The following IRAK3 variants were observed in gnomAD, a reference collection of about 807,000 sequenced individuals.
IRAK3 encodes interleukin-1 receptor-associated kinase 3.
In IRAK3, 57 loss-of-function variants were observed where a neutral mutation model predicts 56.6. The observed-to-expected ratio is 1.01, with a 90% CI of 0.81 to 1.26. The LOEUF (loss-of-function observed/expected upper bound fraction) is 1.26. Ranked by LOEUF, IRAK3 falls within the 50% of genes most tolerant of loss-of-function variation. IRAK3 has a pLI of 0.00. For synonymous variants in IRAK3, 258 were observed against 255.7 expected, an observed-to-expected ratio of 1.01 and a Z score of -0.09; for missense variants, 703 against 719.0, an observed-to-expected ratio of 0.98 and a Z score of 0.25.
intron 11 of IRAK3, among the ~76,000 whole-genome samples, chr12:66,245,754 A>T (rs1266690148): frequency 6.6e-6 from 1 of 151,862 alleles, no homozygotes; most frequent in African/African-American, 2.4e-5. Flanking sequence ...CTGGTCTCGA[A>T]CTCCTGACCT....
At chr12:66,232,838 C>T (rs898529703) in intron 8 of IRAK3, among the ~76,000 whole-genome samples, 1 of 152,124 alleles carries the variant, frequency 6.6e-6, no homozygotes, top group South Asian at 2.1e-4. Flanking sequence ...ATCTCAAAAT[C>T]TGTGTTAAAC....
chr12:66,197,305 G>A (rs2052463785), intron 1 of IRAK3: 3 of 1,067,608 alleles, frequency 2.8e-6, no homozygotes, highest in Non-Finnish European at 3.4e-6. Flanking sequence ...TATGTACTGC[G>A]AGTAAACAAA....
In IRAK3 at chr12:66,190,906, A is replaced by G. The variant is rs750796450; in HGVS notation, c.133+1474A>G. On this transcript the variant is annotated intron_variant, in intron 1 of 11. Transcript: ENST00000261233. Reference sequence around the variant, plus strand: ...TGCTGTGTTCTTTCTGGCCACATCTAACAGCCTCCCTAAAGTACAGACATT... The same window carrying G: ...TGCTGTGTTCTTTCTGGCCACATCTGACAGCCTCCCTAAAGTACAGACATT... 2.0e-4 allele frequency among the ~76,000 whole-genome samples: 31 copies of G among 152,334 alleles called. No homozygotes were observed. In the Middle Eastern group the frequency reaches 0.017, roughly 84 times the overall value.
intron 7 of IRAK3, among the ~76,000 whole-genome samples, chr12:66,227,146 A>T (rs1235167566): frequency 6.6e-6 from 1 of 152,178 alleles, no homozygotes; most frequent in Non-Finnish European, 1.5e-5. Flanking sequence ...ACCTCCAGTG[A>T]GTTGGCATCA....
At chr12:66,221,067 A>G (rs1464925606) in intron 6 of IRAK3, among the ~76,000 whole-genome samples, 2 of 152,116 alleles carry the variant, frequency 1.3e-5, no homozygotes, top group Non-Finnish European at 2.9e-5. Context: ...ATAGTTGTTA[A>G]CGCACAAAAT....
intron 1 of IRAK3, 92 bp from the exon 2 acceptor site, chr12:66,203,619 A>C: frequency 8.8e-7 from 1 of 1,132,894 alleles, no homozygotes; most frequent in Non-Finnish European, 1.3e-6. Flanking sequence ...TAAAGTTATA[A>C]ATAAGAGGAA....
chr12:66,201,645 G>A (rs2052508990), intron 1 of IRAK3, among the ~76,000 whole-genome samples: 1 of 152,192 alleles, frequency 6.6e-6, no homozygotes, highest in Non-Finnish European at 1.5e-5. Context: ...TTTGCTTGAA[G>A]AATCCTGTTA....
In IRAK3 at chr12:66,248,148, T is replaced by C. The variant is rs1391754194; in HGVS notation, c.1768T>C (p.Tyr590His). The C allele has an allele frequency of 4.3e-6, 7 of 1,612,686 alleles. No homozygotes were observed. Among genetic ancestry groups the C allele is most frequent in the East Asian group, 2.2e-5 (1 of 44,894 alleles). ...TTCCTCCAAATTTTCCTGGGATGAATATGAACAGTACAAAAAAGAATAAAT... is the reference window on the plus strand; with the variant it reads ...TTCCTCCAAATTTTCCTGGGATGAACATGAACAGTACAAAAAAGAATAAAT... ...SCSSKFSWDE[Y>H]EQYKKE is the part of the protein sequence containing the mutation. The change falls in exon 12 of 12, where the codon TAT becomes CAT. Residue 590 changes from tyrosine (Y) to histidine (H), a missense_variant. Transcript: ENST00000261233.
At chr12:66,200,801 A>G (rs2052499851) in intron 1 of IRAK3, among the ~76,000 whole-genome samples, 2 of 152,082 alleles carry the variant, frequency 1.3e-5, no homozygotes, top group African/African-American at 4.8e-5. Flanking sequence ...TTTGGACTCT[A>G]AAACAGACTT....
In IRAK3 at chr12:66,229,604, T is replaced by C. The variant is rs532169664; in HGVS notation, c.887+1234T>C. ...ACCTACCCATAGACGTCTGTGCCTG[T>C]TGCAGTGTGGCAATCCAGCAACTGC... On this transcript the variant is annotated intron_variant, in intron 8 of 11. Transcript: ENST00000261233. Among the ~76,000 whole-genome samples the C allele has an allele frequency of 2.2e-3, 341 of 152,334 alleles. 2 individuals are homozygous for C. Among genetic ancestry groups the C allele is most frequent in the African/African-American group, 8.1e-3 (336 of 41,580 alleles).
chr12:66,211,572 CAT>C lies in IRAK3; in HGVS notation c.566_567del (p.Tyr189CysfsTer6). ...TACAGAGTGGAGATTCAAAACCTAA[CAT>C]ATGCTGTCAAATTATTTAAACAGGT... On this transcript the variant is annotated frameshift_variant, in exon 5 of 12. Transcript: ENST00000261233. LOFTEE classifies it high-confidence loss of function. The C allele has an allele frequency of 6.2e-7, 1 of 1,611,660 alleles. No individual in the cohort carries two copies. The highest frequency in any genetic ancestry group is 2.2e-5 in the East Asian group (1 of 44,816).
chr12:66,197,707 A>G (rs1168774), intron 1 of IRAK3: 432,932 of 984,796 alleles, frequency 0.44, 101,536 homozygotes, highest in African/African-American at 0.88. Flanking sequence ...CTTAGATGTG[A>G]TGCAAACTCA....
At chr12:66,219,050 A>G (rs184900790) in intron 6 of IRAK3, among the ~76,000 whole-genome samples, 11,185 of 149,326 alleles carry the variant, frequency 0.075, 560 homozygotes, top group African/African-American at 0.14. Flanking sequence ...GTGTGTGTGT[A>G]TGTGTGTGTG....
intron 1 of IRAK3, among the ~76,000 whole-genome samples, chr12:66,195,905 C>T (rs1341024565): frequency 6.6e-6 from 1 of 152,080 alleles, no homozygotes; most frequent in African/African-American, 2.4e-5. Context: ...GATCCACCCA[C>T]CTCGGCCTCC....
At chr12:66,193,875 T>A (rs1487329905) in intron 1 of IRAK3, among the ~76,000 whole-genome samples, 1 of 152,232 alleles carries the variant, frequency 6.6e-6, no homozygotes, top group African/African-American at 2.4e-5. Context: ...CTCTTTCTGT[T>A]TCTTACTTTT....
At chr12:66,208,573 C>A (rs944872292) in intron 2 of IRAK3, among the ~76,000 whole-genome samples, 2 of 151,452 alleles carry the variant, frequency 1.3e-5, no homozygotes, top group Non-Finnish European at 2.9e-5. Flanking sequence ...CCAACCTGGC[C>A]AACATGGTGA....
rs1266482301 is a variant in IRAK3 at position 66,248,223 on chromosome 12, T to C, written c.*52T>C. 7.6e-7 allele frequency: 1 copy of C among 1,320,818 alleles called. No homozygotes were observed. Among genetic ancestry groups the C allele is most frequent in the Non-Finnish European group, 1.1e-6 (1 of 915,734 alleles). 81.8% of individuals were successfully genotyped at this position (1,320,818 alleles called of 1,614,324 possible). On this transcript the variant is annotated 3_prime_UTR_variant, in exon 12 of 12. Transcript: ENST00000261233. ...CAAGTATTGCATAGGCACCTGAGCA[T>C]AGGTATGACCTTGGGAAGACATTGG...
At chr12:66,222,906 C>G (rs534104222) in intron 6 of IRAK3, among the ~76,000 whole-genome samples, 1 of 152,246 alleles carries the variant, frequency 6.6e-6, no homozygotes, top group Admixed American at 6.5e-5. Flanking sequence ...TTTTTAATCA[C>G]CTGGGTGCAG....
chr12:66,193,513 G>T (rs2052419637), intron 1 of IRAK3, among the ~76,000 whole-genome samples: 1 of 152,080 alleles, frequency 6.6e-6, no homozygotes, highest in Non-Finnish European at 1.5e-5. Context: ...GACTTCCTTT[G>T]CTTTTACCCG....
Sources: gnomAD v4.1 joint callset for allele counts (sites outside exome capture counted in the v4.1 genomes callset) on GRCh38, gnomAD v4.1.1 for gene constraint, MANE v1.5 for transcripts, NCBI Gene and HGNC (gene_info 2026-07-23, HGNC 2026-07-21) for gene names.